Variants in CDKL5 observed in about 807,000 individuals in gnomAD.
CDKL5 encodes the protein cyclin-dependent kinase-like 5.
In CDKL5, 8 loss-of-function variants were observed where a neutral mutation model predicts 61.7. That is an observed-to-expected ratio of 0.13 (90% CI 0.08 to 0.23). The LOEUF (loss-of-function observed/expected upper bound fraction) is 0.23, where lower values mean the gene tolerates loss of function less well. Ranked by LOEUF, CDKL5 falls within the 10% of genes least tolerant of loss-of-function variation. The pLI is 1.00. For synonymous variants in CDKL5, 275 were observed against 272.3 expected (o/e 1.01, Z -0.10); for missense variants, 440 against 734.5 (o/e 0.60, Z 4.63).
At chrX:18,516,861 A>G (rs1254077784) in intron 3 of CDKL5, among the ~76,000 whole-genome samples, 4 of 111,348 alleles carry the variant, frequency 3.6e-5, no homozygotes, top group Admixed American at 1.9e-4. Context: ...TCAGCCTCCC[A>G]AGTAGCTGGG....
chrX:18,642,778 G>A (rs1003416165), downstream of CDKL5, among the ~76,000 whole-genome samples: 1 of 112,033 alleles, frequency 8.9e-6, no homozygotes, highest in African/African-American at 3.2e-5. Context: ...AGTGGCTCAC[G>A]CCTGTAATCC....
intron 2 of CDKL5, among the ~76,000 whole-genome samples, chrX:18,509,243 A>ACACC (rs1555940251): frequency 6.1e-5 from 6 of 97,947 alleles, no homozygotes; most frequent in African/African-American, 1.8e-4. Flanking sequence ...ACACACACAC[A>ACACC]CACCCCTGTC....
chrX:18,586,167 A>ACACAAT (rs1254707954), intron 8 of CDKL5, among the ~76,000 whole-genome samples: 2 of 111,762 alleles, frequency 1.8e-5, no homozygotes, highest in African/African-American at 3.2e-5. Flanking sequence ...TCCATTGTGT[A>ACACAAT]GGCAGAGTTT....
At chrX:18,610,297 T>G (rs1197478010) in intron 14 of CDKL5, among the ~76,000 whole-genome samples, 1 of 112,744 alleles carries the variant, frequency 8.9e-6, no homozygotes, top group Non-Finnish European at 1.9e-5. Flanking sequence ...GCCTGTAATG[T>G]ACTCTTCCTC....
intron 1 of CDKL5, among the ~76,000 whole-genome samples, chrX:18,459,997 C>T (rs750380058): frequency 2.7e-5 from 3 of 110,012 alleles, no homozygotes; most frequent in Non-Finnish European, 5.7e-5. Context: ...CCCAGCCTCC[C>T]GAGTAGCTGG....
At chrX:18,598,331 TCC>T in intron 10 of CDKL5, 129 bp from the exon 11 acceptor site, 2 of 495,742 alleles carry the variant, frequency 4.0e-6, no homozygotes, top group Non-Finnish European at 6.9e-6. Context: ...TTTTTTTATT[TCC>T]TGAACTGTGT....
Position 18,604,692 on chromosome X carries a change from G to A in CDKL5, c.1768G>A (p.Glu590Lys), listed in dbSNP as rs372629988. The A allele has an allele frequency of 2.7e-5, 33 of 1,210,255 alleles. No individual in the cohort carries two copies. Among genetic ancestry groups the A allele is most frequent in the Admixed American group, 1.3e-4 (6 of 45,850 alleles). Residue 590 changes from glutamate to lysine, a missense_variant, in exon 12 of 18, where the codon GAA (glutamate) becomes AAA (lysine). Glu to Lys is a moderately conservative substitution (Grantham distance 56). This residue lies in a region of CDKL5 where 363 missense variants were observed against 516.3 expected (regional missense o/e 0.70). Transcript: ENST00000623535. Reference sequence around the variant, plus strand: ...TTCCCATTCACTGTCTGCACCTCACGAATCTTTTTCTTATGGACTGGGCTA... The same window carrying A: ...TTCCCATTCACTGTCTGCACCTCACAAATCTTTTTCTTATGGACTGGGCTA... ...SHSHSLSAPH[E>K]SFSYGLGYTS...
intron 1 of CDKL5, chrX:18,426,769 CTGAG>C (rs774629105): frequency 1.2e-4 from 14 of 112,387 alleles, no homozygotes; most frequent in Admixed American, 1.1e-3. Context: ...ATTAATTTGT[CTGAG>C]AGCGTTTGTC....
intron 1 of CDKL5, among the ~76,000 whole-genome samples, chrX:18,433,553 T>C (rs1569181830): frequency 9.2e-6 from 1 of 108,630 alleles, no homozygotes; most frequent in Non-Finnish European, 1.9e-5. Context: ...TCCGTTTAAA[T>C]AAAAAAAAAA....
chrX:18,567,178 G>A (rs923793722), intron 4 of CDKL5, among the ~76,000 whole-genome samples: 1 of 111,736 alleles, frequency 8.9e-6, no homozygotes, highest in African/African-American at 3.3e-5. Context: ...CATGTTTGGT[G>A]AACAACTCTT....
At chrX:18,626,723 TCC>T (rs1485757216) in intron 17 of CDKL5, 25 of 16,543 alleles carry the variant, frequency 1.5e-3, no homozygotes, top group African/African-American at 7.7e-3. Flanking sequence ...TCTCTCTCTC[TCC>T]CCCCTCTCTC....
intron 1 of CDKL5, among the ~76,000 whole-genome samples, chrX:18,458,045 C>G (rs1324845389): frequency 9.5e-6 from 1 of 105,529 alleles, no homozygotes; most frequent in Non-Finnish European, 1.9e-5. Context: ...CTCAGCCTCC[C>G]GAGTAGCTGG....
chrX:18,602,033 C>T (rs1020755045), intron 11 of CDKL5, among the ~76,000 whole-genome samples: 6 of 111,682 alleles, frequency 5.4e-5, no homozygotes, highest in African/African-American at 1.6e-4. Flanking sequence ...GACACAGCCA[C>T]GATCTGAGTC....
intron 2 of CDKL5, among the ~76,000 whole-genome samples, chrX:18,509,197 G>GCACGCGCTCGCGCGCACACA (rs1204561636): frequency 1.6e-5 from 1 of 64,314 alleles, no homozygotes; most frequent in Admixed American, 2.5e-4. Flanking sequence ...CTCAAAACAC[G>GCACGCGCTCGCGCGCACACA]CACACACACA....
chrX:18,648,058 T>C (rs1042815352), intron 20 of CDKL5, among the ~76,000 whole-genome samples: 2 of 110,789 alleles, frequency 1.8e-5, no homozygotes, highest in Non-Finnish European at 3.8e-5. Context: ...GTGTTGAGGC[T>C]GGGCACGGTG....
At chrX:18,598,065 G>A (rs144507354) in intron 10 of CDKL5, among the ~76,000 whole-genome samples, 1,145 of 111,539 alleles carry the variant, frequency 0.01, 11 homozygotes, top group African/African-American at 0.035. Context: ...CCAGAAAAGG[G>A]AACTGGGTAT....
intron 5 of CDKL5, among the ~76,000 whole-genome samples, chrX:18,577,026 C>T (rs1035718172): frequency 3.6e-5 from 4 of 110,542 alleles, no homozygotes; most frequent in Non-Finnish European, 7.6e-5. Flanking sequence ...CCTCCTGAGT[C>T]GCTAGGACTA....
At chrX:18,626,717 TCTCTCTCCCCC>T (rs1448233256) in intron 17 of CDKL5, 2 of 37,632 alleles carry the variant, frequency 5.3e-5, no homozygotes, top group Non-Finnish European at 8.5e-5. Flanking sequence ...TCTCTCTCTC[TCTCTCTCCCCC>T]CTCTCTCCCC....
chrX:18,626,351 G>A lies in CDKL5; in HGVS notation c.2496+1104G>A, dbSNP rs12387564. On this transcript the variant is annotated intron_variant, in intron 17 of 17. Transcript: ENST00000623535. ...CCCAAAGTGCTGGGATTACAGGGAT[G>A]AGCCACCATGCCCAGCCTCTGTTTA... 5.4e-3 allele frequency among the ~76,000 whole-genome samples: 603 copies of A among 110,877 alleles called. 3 individuals are homozygous for A. Among genetic ancestry groups the A allele is most frequent in the African/African-American group, 0.018 (559 of 30,515 alleles).
Sources: gnomAD v4.1 joint callset for allele counts (sites outside exome capture counted in the v4.1 genomes callset) on GRCh38, gnomAD v4.1.1 for gene constraint, gnomAD v4.1.1 regional missense constraint, MANE v1.5 for transcripts, NCBI Gene and HGNC (gene_info 2026-07-23, HGNC 2026-07-21) for gene names.